The following UBE2S variants were observed in gnomAD, a reference collection of about 807,000 sequenced individuals.
The protein encoded by UBE2S is ubiquitin-conjugating enzyme E2 S.
UBE2S carries 3 observed loss-of-function variants against 12.3 expected under a neutral mutation model. That is an observed-to-expected ratio of 0.24 (90% CI 0.11 to 0.63). The LOEUF (loss-of-function observed/expected upper bound fraction) is 0.63. UBE2S is among the 30% of genes least tolerant of loss of function. The pLI, the probability that UBE2S is intolerant of heterozygous loss-of-function variation, is 0.85. For missense variants in UBE2S, 211 were observed against 313.9 expected (o/e 0.67, Z 2.48); for synonymous variants, 133 against 142.0 (o/e 0.94, Z 0.45).
rs1346413439 is a variant in UBE2S at position 55,404,989 on chromosome 19, T to C, written c.152-511A>G. On this transcript the variant is annotated intron_variant, in intron 2 of 3. Transcript: ENST00000264552. This position sits in a 1 kb window ranked among gnomAD's most constrained non-coding sequence, Gnocchi z 4.4. ...ACTTTGGGAGGCTAAGGCGGGTGGA[T>C]CACCTGAGGTCAGGAGTTCAAGACC... Among the ~76,000 whole-genome samples, 1 of 151,600 alleles carries C rather than the reference T, an allele frequency of 6.6e-6. No homozygotes were observed. The highest frequency in any genetic ancestry group is 2.1e-4 in the South Asian group (1 of 4,816).
At chr19:55,406,101 G>T (rs1043322919) in intron 2 of UBE2S, among the ~76,000 whole-genome samples, 1 of 152,164 alleles carries the variant, frequency 6.6e-6, no homozygotes, top group Non-Finnish European at 1.5e-5. Context: ...CTTTCTTCAT[G>T]TGTTTTTACC....
chr19:55,403,220 C>T (rs1045532646), intron 3 of UBE2S: 28 of 621,248 alleles, frequency 4.5e-5, no homozygotes, highest in Admixed American at 1.6e-4. Context: ...TGAACCCTAT[C>T]GCTATTAAAA....
Position 55,406,842 on chromosome 19 carries a change from C to T in UBE2S, c.124G>A (p.Asp42Asn). 1.2e-6 allele frequency: 2 copies of T among 1,613,300 alleles called. No individual in the cohort carries two copies. Among genetic ancestry groups the T allele is most frequent in the Non-Finnish European group, 1.7e-6 (2 of 1,179,640 alleles). The change falls in exon 2 of 4, where the codon GAC (aspartate) becomes AAC (asparagine). Residue 42 changes from aspartate (D) to asparagine (N), a missense_variant. By Grantham distance (23) the Asp-to-Asn change is conservative. Around this residue, in one of 2 missense-constraint regions of UBE2S, gnomAD observed 127 missense variants for 224.0 expected, o/e 0.57. Coordinates refer to ENST00000264552, the MANE Select transcript of UBE2S (RefSeq NM_014501.3). ...GGGCCCTCGATGGTGACCTGGAGGTCGGTGAGGTCCTCCTCGTTGGGAAAG... is the reference window on the plus strand; with the variant it reads ...GGGCCCTCGATGGTGACCTGGAGGTTGGTGAGGTCCTCCTCGTTGGGAAAG... ...KVFPNEEDLT[D>N]LQVTIEGPEG...
rs148446992 is a variant in UBE2S, at chr19:55,403,931, G to C, written c.342+357C>G. ...AATTTTTGCATTTTTAGTAGAGACA[G>C]GGTTTCACCATGTTGGCCAGGCTGG... is the stretch of plus-strand genomic sequence containing the variant. On this transcript the variant is annotated intron_variant, in intron 3 of 3. Transcript: ENST00000264552. 549 of 223,162 alleles carry C rather than the reference G, an allele frequency of 2.5e-3. 3 individuals are homozygous for C. The highest frequency in any genetic ancestry group is 0.012 in the African/African-American group (500 of 42,072). The allele number at this position is 223,162 out of a possible 1,614,324, so 13.8% of individuals were successfully genotyped here. A position where few individuals can be genotyped will look rare whatever the true frequency, so the allele number is the denominator to read the frequency against.
At chr19:55,403,069 C>CCCAAATCCTGCAGCGT in intron 3 of UBE2S, 1 of 1,329,508 alleles carries the variant, frequency 7.5e-7, no homozygotes, top group Non-Finnish European at 1.0e-6. Flanking sequence ...TCGTACGCTG[C>CCCAAATCCTGCAGCGT]AGGATTTGGG....
In UBE2S at chr19:55,406,925, C is replaced by A. The variant is rs150992671; in HGVS notation, c.41G>T (p.Arg14Leu). The change falls in exon 2 of 4, where the codon CGC becomes CTC. Residue 14 changes from arginine (R) to leucine (L), a missense_variant. Coordinates refer to ENST00000264552, the MANE Select transcript of UBE2S (RefSeq NM_014501.3). ...NVENLPPHII[R>L]LVYKEVTTLT... Reference sequence around the variant, plus strand: ...TGTCGTCACCTCCTTGTACACCAGGCGGATGATGTGCGGGGGTAGGTTCTC... The same window carrying A: ...TGTCGTCACCTCCTTGTACACCAGGAGGATGATGTGCGGGGGTAGGTTCTC... The A allele has an allele frequency of 2.5e-6, 4 of 1,613,608 alleles. No individual in the cohort carries two copies. Among genetic ancestry groups the A allele is most frequent in the Non-Finnish European group, 2.5e-6 (3 of 1,179,804 alleles).
intron 3 of UBE2S, chr19:55,402,993 G>C (rs1292077115): frequency 6.5e-7 from 1 of 1,534,824 alleles, no homozygotes; most frequent in Admixed American, 2.0e-5. Context: ...TGGAGCACCA[G>C]CCTAGACCAG....
At chr19:55,406,171 G>A (rs75682219) in intron 2 of UBE2S, among the ~76,000 whole-genome samples, 4,495 of 152,200 alleles carry the variant, frequency 0.03, 84 homozygotes, top group African/African-American at 0.043. Context: ...TCATGATCCC[G>A]CGCCCTCTGC....
chr19:55,405,544 T>A (rs1375942347), intron 2 of UBE2S, among the ~76,000 whole-genome samples: 1 of 150,222 alleles, frequency 6.7e-6, no homozygotes, highest in Non-Finnish European at 1.5e-5. Flanking sequence ...ATGGCTGGGT[T>A]CCTAGGGGGC....
At chr19:55,401,791 G>T (rs773516203) in intron 3 of UBE2S, 29 bp from the exon 4 acceptor site, 1 of 1,612,046 alleles carries the variant, frequency 6.2e-7, no homozygotes, top group Non-Finnish European at 8.5e-7. Context: ...GGTCACAGTG[G>T]GTCGGGCAAC....
intron 1 of UBE2S, 39 bp downstream of exon 1, chr19:55,407,548 C>A (rs1374955136): frequency 5.3e-6 from 8 of 1,521,746 alleles, no homozygotes; most frequent in Admixed American, 2.1e-5. Flanking sequence ...CTCAGGGACA[C>A]CCCCGACCAC....
Position 55,400,979 on chromosome 19 carries a change from A to C in UBE2S, c.*457T>G. 6.1e-6 allele frequency: 1 copy of C among 164,948 alleles called. No individual in the cohort carries two copies. The highest frequency in any genetic ancestry group is 1.3e-5 in the Non-Finnish European group (1 of 75,088). 10.2% of individuals were successfully genotyped at this position (164,948 alleles called of 1,614,324 possible). ...TGAGCAGGAACACCACTGCCACACC[A>C]ACGTGGCCATTATTCTAGAGGGAGA... On this transcript the variant is annotated 3_prime_UTR_variant, in exon 4 of 4. Coordinates refer to ENST00000264552, the MANE Select transcript of UBE2S (RefSeq NM_014501.3).
intron 3 of UBE2S, chr19:55,403,176 G>A (rs935938123): frequency 2.4e-5 from 16 of 674,936 alleles, no homozygotes; most frequent in African/African-American, 3.5e-5. Flanking sequence ...CCCTTGGGGG[G>A]CAAAATCACC....
At position 55,404,218 on chromosome 19, in the gene UBE2S, G is replaced by C; in HGVS notation, c.342+70C>G. On this transcript the variant is annotated intron_variant, in intron 3 of 3. Transcript: ENST00000264552. This position sits in a 1 kb window ranked among gnomAD's most constrained non-coding sequence, Gnocchi z 4.4. ...TTGATTCAGAAAAACTAAACAAAGC[G>C]CTATGGCTCAGACACCAGCAGACCT... The C allele has an allele frequency of 6.3e-7, 1 of 1,583,780 alleles. No individual in the cohort carries two copies. Among genetic ancestry groups the C allele is most frequent in the Non-Finnish European group, 8.6e-7 (1 of 1,157,524 alleles).
Position 55,401,198 on chromosome 19 carries a change from ACCCAGGGCCTGTGCAGGGGAGCCAAACT to A in UBE2S, c.*210_*237del. 1.7e-6 allele frequency: 1 copy of A among 582,240 alleles called. No homozygotes were observed. 36.1% of individuals were successfully genotyped at this position (582,240 alleles called of 1,614,324 possible). On this transcript the variant is annotated 3_prime_UTR_variant, in exon 4 of 4. Transcript: ENST00000264552. Reference sequence around the variant, plus strand: ...CTGCAGTCCATGAGGCTTTACAAGGACCCAGGGCCTGTGCAGGGGAGCCAAACTCCCAGAGCCACATGGCACCATGCAG... The same window carrying A: ...CTGCAGTCCATGAGGCTTTACAAGGACCCAGAGCCACATGGCACCATGCAG...
At chr19:55,406,250 C>T (rs551787481) in intron 2 of UBE2S, among the ~76,000 whole-genome samples, 244 of 152,348 alleles carry the variant, frequency 1.6e-3, no homozygotes, top group Non-Finnish European at 2.9e-3. Context: ...ACCATCACCA[C>T]CGTGGACTAG....
At position 55,407,519 on chromosome 19, in the gene UBE2S, C is replaced by G. The variant is rs559206179; in HGVS notation, c.3+68G>C. On this transcript the variant is annotated intron_variant, in intron 1 of 3. Coordinates refer to ENST00000264552, the MANE Select transcript of UBE2S (RefSeq NM_014501.3). ...CCTCAAGGCCGCCCGTCGGAGGCCC[C>G]TGAGACTCCACCTCCTCCCTCAGGG... 2.7e-5 allele frequency: 41 copies of G among 1,508,488 alleles called. 1 individual carries two copies. In the South Asian group the frequency reaches 4.8e-4, roughly 18 times the overall value. 93.4% of individuals were successfully genotyped at this position (1,508,488 alleles called of 1,614,324 possible).
intron 1 of UBE2S, 124 bp downstream of exon 1, chr19:55,407,463 G>C: frequency 2.7e-6 from 3 of 1,115,134 alleles, no homozygotes; most frequent in Non-Finnish European, 3.7e-6. Context: ...GCCCATCCCG[G>C]GTCAGGGACC....
chr19:55,406,680 C>T, intron 2 of UBE2S, 135 bp downstream of exon 2: 1 of 1,119,848 alleles, frequency 8.9e-7, no homozygotes, highest in Non-Finnish European at 1.3e-6. Flanking sequence ...TTGTGGCGTC[C>T]TGCCCTGTCC....
Sources: allele counts gnomAD v4.1 joint callset (sites outside exome capture counted in the v4.1 genomes callset), GRCh38; gene constraint gnomAD v4.1.1; regional missense constraint gnomAD v4.1.1; non-coding constraint Gnocchi (gnomAD v3.1); transcripts MANE v1.5; gene names NCBI Gene and HGNC (gene_info 2026-07-23, HGNC 2026-07-21).